The following GPHN variants were observed in gnomAD, a reference collection of about 807,000 sequenced individuals.
GPHN encodes gephyrin.
GPHN carries 17 observed loss-of-function variants against 95.5 expected under a neutral mutation model. The ratio of observed to expected loss-of-function variants is 0.18; its 90% CI spans 0.12 to 0.27. The LOEUF is 0.27. Among genes scored for constraint, GPHN ranks in the 10% least tolerant of loss-of-function variants. The pLI is 1.00. For missense variants in GPHN, 660 were observed against 978.1 expected (o/e 0.67, Z 4.34); for synonymous variants, 320 against 322.5 (o/e 0.99, Z 0.08).
At chr14:66,996,410 T>C (rs1368937771) in intron 9 of GPHN, among the ~76,000 whole-genome samples, 1 of 152,212 alleles carries the variant, frequency 6.6e-6, no homozygotes, top group East Asian at 1.9e-4. Context: ...AATGATGCAC[T>C]GTTGTCTGAA....
chr14:66,989,861 A>G (rs1027294676), intron 9 of GPHN, among the ~76,000 whole-genome samples: 7 of 152,288 alleles, frequency 4.6e-5, no homozygotes, highest in African/African-American at 1.7e-4. Context: ...ACCATAGACT[A>G]TATTAGACAG....
chr14:67,386,052 C>G, the GPHN span: 3 of 152,268 alleles, frequency 2.0e-5, no homozygotes, highest in African/African-American at 7.2e-5. Flanking sequence ...CTATGGAGAT[C>G]CTGATAGCTC....
chr14:67,402,053 C>T, the GPHN span, among the ~76,000 whole-genome samples: 2 of 152,146 alleles, frequency 1.3e-5, no homozygotes, highest in African/African-American at 4.8e-5. Flanking sequence ...ATCACTTAAA[C>T]TCAGGAGGCG....
intron 4 of GPHN, among the ~76,000 whole-genome samples, chr14:66,863,891 C>T (rs2063129459): frequency 6.6e-6 from 1 of 152,124 alleles, no homozygotes; most frequent in Admixed American, 6.5e-5. Flanking sequence ...AGGAAACTCT[C>T]CTGGATATTG....
intron 12 of GPHN, among the ~76,000 whole-genome samples, chr14:67,098,634 A>AC (rs1291591272): frequency 6.6e-6 from 1 of 151,920 alleles, no homozygotes; most frequent in Non-Finnish European, 1.5e-5. Flanking sequence ...ATATGATGAA[A>AC]CCCCGTCTCT....
chr14:67,443,358 A>G, the GPHN span, among the ~76,000 whole-genome samples: 477 of 152,368 alleles, frequency 3.1e-3, 1 homozygote, highest in African/African-American at 0.011. Context: ...GCCATGTTGC[A>G]GAACACCTAC....
chr14:66,565,920 A>G (rs1444442522), intron 1 of GPHN, among the ~76,000 whole-genome samples: 1 of 151,990 alleles, frequency 6.6e-6, no homozygotes, highest in Non-Finnish European at 1.5e-5. Context: ...TAAGACTTTC[A>G]GGAAAAAGAA....
intron 11 of GPHN, among the ~76,000 whole-genome samples, chr14:67,080,101 T>C (rs2076631725): frequency 1.3e-5 from 2 of 152,094 alleles, no homozygotes; most frequent in Non-Finnish European, 2.9e-5. Context: ...TTTTTGATGG[T>C]AGCTATCCTA....
At chr14:67,672,711 G>A in the GPHN span, among the ~76,000 whole-genome samples, 2 of 151,992 alleles carry the variant, frequency 1.3e-5, no homozygotes, top group Non-Finnish European at 2.9e-5. Context: ...CCCAAGTGCT[G>A]GAATTACAGG....
intron 10 of GPHN, among the ~76,000 whole-genome samples, chr14:67,031,532 C>A (rs1296351170): frequency 6.6e-6 from 1 of 152,088 alleles, no homozygotes; most frequent in African/African-American, 2.4e-5. Flanking sequence ...ACTTTTTTAT[C>A]TAGTCTAAGT....
chr14:67,089,146 T>TTTTTTTTTTTTTA, intron 12 of GPHN, 71 bp downstream of exon 12: 1 of 485,650 alleles, frequency 2.1e-6, no homozygotes, highest in Non-Finnish European at 3.6e-6. Flanking sequence ...TTTTTTTTTT[T>TTTTTTTTTTTTTA]TTTTTTTTTT....
At chr14:67,553,285 G>A in the GPHN span, among the ~76,000 whole-genome samples, 1 of 152,048 alleles carries the variant, frequency 6.6e-6, no homozygotes, top group Non-Finnish European at 1.5e-5. Context: ...ACTTATTGAG[G>A]GACCAGGGCC....
chr14:66,758,656 G>C (rs2058656275), intron 2 of GPHN, among the ~76,000 whole-genome samples: 1 of 152,172 alleles, frequency 6.6e-6, no homozygotes, highest in African/African-American at 2.4e-5. Flanking sequence ...GGCTGTAGTT[G>C]TACCTGCTAA....
At chr14:66,832,644 A>G (rs1218910941) in intron 4 of GPHN, among the ~76,000 whole-genome samples, 3 of 152,226 alleles carry the variant, frequency 2.0e-5, no homozygotes, top group Non-Finnish European at 4.4e-5. Flanking sequence ...TAAGAACAGC[A>G]TTCATTTTCT....
intron 5 of GPHN, among the ~76,000 whole-genome samples, chr14:66,880,858 A>G (rs1156925954): frequency 6.6e-6 from 1 of 152,004 alleles, no homozygotes; most frequent in African/African-American, 2.4e-5. Flanking sequence ...CTAAATGAGG[A>G]CAATTACATC....
At chr14:67,350,983 C>T in the GPHN span, among the ~76,000 whole-genome samples, 3 of 152,166 alleles carry the variant, frequency 2.0e-5, no homozygotes, top group Non-Finnish European at 4.4e-5. Flanking sequence ...TGCTGATTTA[C>T]TCAAACTAAT....
the GPHN span, among the ~76,000 whole-genome samples, chr14:67,611,711 A>G: frequency 6.6e-6 from 1 of 152,222 alleles, no homozygotes; most frequent in Non-Finnish European, 1.5e-5. Context: ...GCTCTAAAGC[A>G]ATGTTCCCCA....
chr14:66,814,831 TAGAATTC>T lies in GPHN; in HGVS notation c.202-9637_202-9631del, dbSNP rs1190466106. On this transcript the variant is annotated intron_variant, in intron 3 of 22. Transcript: ENST00000478722. ...GCTCAGATGGCTGAAATGACAGAAA[TAGAATTC>T]AGAATATGGGTAGAAATGAAGATCA... is the stretch of plus-strand genomic sequence containing the variant. 3.3e-5 allele frequency among the ~76,000 whole-genome samples: 5 copies of T among 151,856 alleles called. No individual in the cohort carries two copies. In the South Asian group the frequency reaches 6.2e-4, roughly 19 times the overall value.
intron 3 of GPHN, among the ~76,000 whole-genome samples, chr14:66,790,397 T>A (rs147867687): frequency 2.6e-5 from 4 of 152,346 alleles, no homozygotes; most frequent in African/African-American, 9.6e-5. Flanking sequence ...GACAAAGCTT[T>A]AACTGCTAAG....
Sources: gnomAD v4.1 joint callset for allele counts (sites outside exome capture counted in the v4.1 genomes callset) on GRCh38, gnomAD v4.1.1 for gene constraint, MANE v1.5 for transcripts, NCBI Gene and HGNC (gene_info 2026-07-23, HGNC 2026-07-21) for gene names.